Variants in C16orf89 observed in about 807,000 individuals in gnomAD.
The protein encoded by C16orf89 is UPF0764 protein C16orf89.
A neutral mutation model predicts 41.5 loss-of-function variants in C16orf89; 57 were observed. The observed-to-expected ratio is 1.38, with a 90% CI of 1.11 to 1.71. The LOEUF (loss-of-function observed/expected upper bound fraction) is 1.71, where lower values mean the gene tolerates loss of function less well. C16orf89 is among the 40% of genes most tolerant of loss of function. The probability of loss-of-function intolerance (pLI) is 0.00; values close to 1 mark genes in which losing one functional copy is unlikely to be tolerated. For synonymous variants in C16orf89, 223 were observed against 190.6 expected (o/e 1.17, Z -1.40); for missense variants, 575 against 445.9 (o/e 1.29, Z -2.61).
Position 5,056,081 on chromosome 16 carries a change from G to T in C16orf89, c.735C>A (p.Tyr245Ter). ...TTTCCATGAAGATGTCCCGGGTAGG[G>T]TAGGCGTATCCGATGGCCTCAGCTC... ...NRRAEAIGYA[Y>*]PTRDIFMENI... The change falls in exon 5 of 8, where the codon TAC (tyrosine) becomes TAA (stop). Residue 245 changes from tyrosine to a stop codon, truncating the protein, a stop_gained. Coordinates refer to ENST00000472572, the MANE Select transcript of C16orf89 (RefSeq NM_001098514.3). LOFTEE classifies it high-confidence loss of function. 4 of 1,597,784 alleles carry T rather than the reference G, an allele frequency of 2.5e-6. No individual in the cohort carries two copies. Among genetic ancestry groups the T allele is most frequent in the Non-Finnish European group, 2.6e-6 (3 of 1,166,380 alleles).
intron 7 of C16orf89, among the ~76,000 whole-genome samples, chr16:5,047,479 T>C (rs1315789945): frequency 6.6e-6 from 1 of 151,804 alleles, no homozygotes; most frequent in Non-Finnish European, 1.5e-5. Context: ...TTCTTTTTTT[T>C]TTTTTTGAGA....
chr16:5,053,109 C>A, intron 6 of C16orf89, among the ~76,000 whole-genome samples: 1 of 152,072 alleles, frequency 6.6e-6, no homozygotes, highest in Non-Finnish European at 1.5e-5. Context: ...AGGCAGGGTG[C>A]CTGTAATCCC....
intron 6 of C16orf89, among the ~76,000 whole-genome samples, chr16:5,053,032 T>G (rs1262839058): frequency 1.3e-5 from 2 of 152,172 alleles, no homozygotes; most frequent in Non-Finnish European, 2.9e-5. Context: ...CATGGAAAGA[T>G]AAATGTTGCA....
At chr16:5,046,913 C>G (rs1488151364) in intron 7 of C16orf89, among the ~76,000 whole-genome samples, 1 of 152,172 alleles carries the variant, frequency 6.6e-6, no homozygotes, top group Non-Finnish European at 1.5e-5. Flanking sequence ...TCCAAGACAA[C>G]AGGTGTAAAC....
Position 5,059,390 on chromosome 16 carries a change from T to G in C16orf89, c.510-780A>C, listed in dbSNP as rs1053932020. ...CTGAGGCATGAGAATCACTTGAACC[T>G]GGTAGGAGGAGCTTGCAGTGAGCCG... is the stretch of plus-strand genomic sequence containing the variant. On this transcript the variant is annotated intron_variant, in intron 3 of 7. Coordinates refer to ENST00000472572, the MANE Select transcript of C16orf89 (RefSeq NM_001098514.3). Among the ~76,000 whole-genome samples, 16 of 151,862 alleles carry G rather than the reference T, an allele frequency of 1.1e-4. 1 individual carries two copies. Among genetic ancestry groups the G allele is most frequent in the African/African-American group, 3.1e-4 (13 of 41,444 alleles).
downstream of C16orf89, chr16:5,043,532 A>G (rs1017362176): frequency 6.6e-6 from 1 of 152,228 alleles, no homozygotes; most frequent in Non-Finnish European, 1.5e-5. Context: ...TGGCCATGTG[A>G]TGCAATGTAA....
intron 6 of C16orf89, 151 bp from the exon 7 acceptor site, chr16:5,048,115 A>T (rs1956332919): frequency 1.7e-6 from 1 of 590,138 alleles, no homozygotes; most frequent in South Asian, 2.0e-5. Flanking sequence ...ACAACCTCGA[A>T]CTCCCAAGCT....
intron 5 of C16orf89, 105 bp downstream of exon 5, chr16:5,055,938 CGTGTGTGTGT>C (rs531301214): frequency 0.05 from 44,914 of 903,530 alleles, 1,043 homozygotes; most frequent in African/African-American, 0.13. Flanking sequence ...CTGGCAACTC[CGTGTGTGTGT>C]GTGTGTGTGT....
In C16orf89 at chr16:5,056,038, G is replaced by A. The variant is rs373197393; in HGVS notation, c.763+15C>T. The A allele has an allele frequency of 6.3e-7, 1 of 1,586,888 alleles. No homozygotes were observed. The highest frequency in any genetic ancestry group is 1.7e-5 in the Admixed American group (1 of 59,296). Reference sequence around the variant, plus strand: ...ACCCTGTTCCTTTGCCCCGGGGGCAGAATGCTGGCCATACTGTTTTCCATG... The same window carrying A: ...ACCCTGTTCCTTTGCCCCGGGGGCAAAATGCTGGCCATACTGTTTTCCATG... On this transcript the variant is annotated intron_variant, in intron 5 of 7. Coordinates refer to ENST00000472572, the MANE Select transcript of C16orf89 (RefSeq NM_001098514.3).
chr16:5,052,716 T>C (rs113491215), intron 6 of C16orf89, among the ~76,000 whole-genome samples: 3 of 152,154 alleles, frequency 2.0e-5, no homozygotes, highest in African/African-American at 7.2e-5. Flanking sequence ...GAAAGCAGTA[T>C]GGAGATTTGT....
Position 5,060,408 on chromosome 16 carries a change from A to C in C16orf89, c.387T>G (p.Phe129Leu). ...GGATCCAGGCATGTGGGAGCTTCCA[A>C]AACCCGGGCTGGAGGGTCAGCTGGA... ...REFQLTLQPGFWKLPHAWIHT... is the reference protein window; with the variant it reads ...REFQLTLQPGLWKLPHAWIHT... The change falls in exon 3 of 8, where the codon TTT (phenylalanine) becomes TTG (leucine). Residue 129 changes from phenylalanine to leucine, a missense_variant. Transcript: ENST00000472572. 1 of 1,613,130 alleles carries C rather than the reference A, an allele frequency of 6.2e-7. No individual in the cohort carries two copies. The highest frequency in any genetic ancestry group is 8.5e-7 in the Non-Finnish European group (1 of 1,179,622).
chr16:5,056,456 A>G (rs1297328338), intron 4 of C16orf89, among the ~76,000 whole-genome samples: 1 of 152,162 alleles, frequency 6.6e-6, no homozygotes, highest in Non-Finnish European at 1.5e-5. Flanking sequence ...AGTTTTTATC[A>G]GGAAAGGGCG....
At chr16:5,058,795 A>G (rs945490768) in intron 3 of C16orf89, among the ~76,000 whole-genome samples, 185 bp from the exon 4 acceptor site, 2 of 152,242 alleles carry the variant, frequency 1.3e-5, no homozygotes, top group South Asian at 2.1e-4. Flanking sequence ...GCCCTAGCCC[A>G]GGAAAGATGA....
rs1956626670 is a variant in C16orf89, at chr16:5,061,510, CCAA to C, written c.358+912_358+914del. ...AAAAAAAAAAAAAAAAAAAACCCCC[CCAA>C]AAAAAAAAACAAGTGGGGAGGTGGA... On this transcript the variant is annotated intron_variant, in intron 2 of 7. Transcript: ENST00000472572. 8.8e-5 allele frequency among the ~76,000 whole-genome samples: 10 copies of C among 114,082 alleles called. 1 individual carries two copies. The highest frequency in any genetic ancestry group is 3.4e-4 in the East Asian group (1 of 2,982). 74.8% of individuals were successfully genotyped at this position (114,082 alleles called of 152,430 possible). A position where few individuals can be genotyped will look rare whatever the true frequency, so the allele number is the denominator to read the frequency against.
chr16:5,044,347 C>G lies in C16orf89; in HGVS notation c.*1G>C. On this transcript the variant is annotated 3_prime_UTR_variant, in exon 8 of 8. Transcript: ENST00000472572. ...AGGCAGCTGGCATGGAACCGTCCGT[C>G]TCAGCGGCTGCTTGGTGGTGGCGGT... 6.2e-7 allele frequency: 1 copy of G among 1,601,042 alleles called. No individual in the cohort carries two copies. Among genetic ancestry groups the G allele is most frequent in the Middle Eastern group, 2.1e-4 (1 of 4,766 alleles).
chr16:5,058,451 T>A (rs1191966073), intron 4 of C16orf89, 42 bp downstream of exon 4: 2 of 1,523,982 alleles, frequency 1.3e-6, no homozygotes, highest in African/African-American at 1.4e-5. Flanking sequence ...TCCTTTTTCC[T>A]TCCCCTTCCC....
chr16:5,060,235 G>T (rs374636525), intron 3 of C16orf89, 51 bp downstream of exon 3: 6 of 1,552,788 alleles, frequency 3.9e-6, no homozygotes, highest in Middle Eastern at 1.7e-4. Context: ...AGGACCAGCT[G>T]AGAACTAGTG....
chr16:5,044,793 G>T (rs543991283), intron 7 of C16orf89: 31 of 1,199,198 alleles, frequency 2.6e-5, no homozygotes, highest in Non-Finnish European at 3.4e-5. Flanking sequence ...GCAGTGAGCC[G>T]AGATTGCGCC....
rs1956647682 is a variant in C16orf89, at chr16:5,062,533, G to A, written c.250C>T (p.Leu84=). 1 of 1,613,692 alleles carries A rather than the reference G, an allele frequency of 6.2e-7. No individual in the cohort carries two copies. The highest frequency in any genetic ancestry group is 1.7e-5 in the Admixed American group (1 of 59,960). The change falls in exon 2 of 8, where the codon CTG becomes TTG. Residue 84 remains leucine, a synonymous_variant. Transcript: ENST00000472572. ...ACGCGCAGGCTCAGCGGCTGCAGCA[G>A]GGGCTCCTGGGCCCACTTCTCCCGG... The part of the protein sequence containing the change: ...SVREKWAQEP[L]LQPLSLRVGM...
Sources: allele counts gnomAD v4.1 joint callset (sites outside exome capture counted in the v4.1 genomes callset), GRCh38; gene constraint gnomAD v4.1.1; transcripts MANE v1.5; gene names NCBI Gene and HGNC (gene_info 2026-07-23, HGNC 2026-07-21).